Variants in DIAPH1 observed in about 807,000 individuals in gnomAD.
The protein encoded by DIAPH1 is protein diaphanous homolog 1.
In DIAPH1, 46 loss-of-function variants were observed where a neutral mutation model predicts 140.7. The ratio of observed to expected loss-of-function variants is 0.33; its 90% CI spans 0.26 to 0.42. The LOEUF (loss-of-function observed/expected upper bound fraction) is 0.42. Among genes scored for constraint, DIAPH1 ranks in the 10% least tolerant of loss-of-function variants. DIAPH1 has a pLI of 1.00. For missense variants in DIAPH1, 1,310 were observed against 1,558.7 expected (o/e 0.84, Z 2.69); for synonymous variants, 565 against 551.6 (o/e 1.02, Z -0.34).
intron 1 of DIAPH1, among the ~76,000 whole-genome samples, chr5:141,609,066 C>G (rs557513054): frequency 4.0e-5 from 6 of 148,548 alleles, no homozygotes; most frequent in African/African-American, 1.5e-4. Flanking sequence ...ATGAGCCAAG[C>G]GAAAGATAGG....
chr5:141,546,596 C>T (rs2099890829), intron 18 of DIAPH1, among the ~76,000 whole-genome samples: 2 of 150,070 alleles, frequency 1.3e-5, no homozygotes, highest in Admixed American at 1.3e-4. Context: ...GTGGAAGTTG[C>T]TGTGAGCTGA....
At chr5:141,568,448 T>A (rs1228290662) in intron 18 of DIAPH1, among the ~76,000 whole-genome samples, 2 of 152,118 alleles carry the variant, frequency 1.3e-5, no homozygotes, top group Non-Finnish European at 2.9e-5. Flanking sequence ...TTCAAAATAT[T>A]CTCTGGCAGG....
At chr5:141,607,278 T>C (rs2099901127) in intron 1 of DIAPH1, among the ~76,000 whole-genome samples, 1 of 152,226 alleles carries the variant, frequency 6.6e-6, no homozygotes, top group African/African-American at 2.4e-5. Flanking sequence ...GTTTCAACAA[T>C]GGCATTACCT....
chr5:141,537,495 A>AG, intron 18 of DIAPH1, among the ~76,000 whole-genome samples: 1 of 148,784 alleles, frequency 6.7e-6, no homozygotes, highest in East Asian at 2.0e-4. Context: ...AAAAAAAAAA[A>AG]AAAAAAAAAA....
intron 8 of DIAPH1, among the ~76,000 whole-genome samples, 193 bp downstream of exon 8, chr5:141,580,551 A>C (rs1015630689): frequency 1.3e-5 from 2 of 152,216 alleles, no homozygotes; most frequent in African/African-American, 4.8e-5. Flanking sequence ...GACCAGTGGA[A>C]CATTCAGGAT....
chr5:141,575,515 G>C (rs1349330664), intron 14 of DIAPH1, among the ~76,000 whole-genome samples: 1 of 152,094 alleles, frequency 6.6e-6, no homozygotes, highest in South Asian at 2.1e-4. Context: ...CGGGCATGGT[G>C]GTGGGCACCT....
chr5:141,559,928 T>C (rs927180605), intron 18 of DIAPH1, among the ~76,000 whole-genome samples: 1 of 152,220 alleles, frequency 6.6e-6, no homozygotes, highest in South Asian at 2.1e-4. Flanking sequence ...TTAATCCCCA[T>C]GCATACATCA....
intron 18 of DIAPH1, among the ~76,000 whole-genome samples, chr5:141,537,483 C>CAAAAAA (rs34323841): frequency 6.2e-4 from 23 of 36,970 alleles, no homozygotes; most frequent in African/African-American, 3.0e-3. Context: ...AACTCCGTCT[C>CAAAAAA]AAAAAAAAAA....
At chr5:141,578,191 TC>T in intron 11 of DIAPH1, 33 bp downstream of exon 11, 1 of 1,463,612 alleles carries the variant, frequency 6.8e-7, no homozygotes, top group Non-Finnish European at 9.6e-7. Flanking sequence ...AATGAATGTC[TC>T]ATCTGCCTTG....
intron 6 of DIAPH1, 79 bp from the exon 7 acceptor site, chr5:141,582,454 T>C: frequency 9.0e-7 from 1 of 1,106,866 alleles, no homozygotes; most frequent in South Asian, 1.2e-5. Context: ...AACAAGGTTC[T>C]TAGGAACAAC....
intron 18 of DIAPH1, among the ~76,000 whole-genome samples, chr5:141,554,657 TAGC>T (rs1297452914): frequency 6.6e-6 from 1 of 152,164 alleles, no homozygotes; most frequent in Non-Finnish European, 1.5e-5. Flanking sequence ...AAATTCCTAA[TAGC>T]AAAGTGAATT....
At chr5:141,518,132 C>A (rs1562276041) in intron 27 of DIAPH1, among the ~76,000 whole-genome samples, 6 of 152,038 alleles carry the variant, frequency 3.9e-5, no homozygotes. Flanking sequence ...TTGCCAGAGG[C>A]AAGGGGAGGG....
rs760359303 is a variant in DIAPH1, at chr5:141,515,751, C to G, written c.*1100G>C. On this transcript the variant is annotated 3_prime_UTR_variant, in exon 28 of 28. Transcript: ENST00000389054. Reference sequence around the variant, plus strand: ...ACCAGAGAAGGGGTTCCTCCTGTGTCGGATTCCCTGGGAGAGAGGATCTGC... The same window carrying G: ...ACCAGAGAAGGGGTTCCTCCTGTGTGGGATTCCCTGGGAGAGAGGATCTGC... The G allele has an allele frequency of 6.6e-6, 1 of 152,184 alleles. No homozygotes were observed. Among genetic ancestry groups the G allele is most frequent in the Non-Finnish European group, 1.5e-5 (1 of 68,052 alleles). 9.4% of individuals were successfully genotyped at this position (152,184 alleles called of 1,614,324 possible).
chr5:141,531,861 C>A (rs1251872605), intron 19 of DIAPH1, among the ~76,000 whole-genome samples: 2 of 152,156 alleles, frequency 1.3e-5, no homozygotes, highest in Non-Finnish European at 2.9e-5. Context: ...TCACATCTCA[C>A]CTAGTTTAAA....
At position 141,527,699 on chromosome 5, in the gene DIAPH1, T is replaced by TA. The variant is rs79558427; in HGVS notation, c.3149-3dup. The TA allele has an allele frequency of 0.17, 189,669 of 1,100,168 alleles. 1,885 individuals carry two copies. The highest frequency in any genetic ancestry group is 0.21 in the African/African-American group (8,355 of 40,158). The allele number at this position is 1,100,168 out of a possible 1,614,324, so 68.2% of individuals were successfully genotyped here. On this transcript the variant is annotated splice_polypyrimidine_tract_variant and splice_region_variant and intron_variant, in intron 23 of 27. Transcript: ENST00000389054. ...TCTTTTGCAAGTTTTCAGCAGAAAC[T>TA]AAAAAAAAAAAAAAAAAAAAAAACC...
intron 27 of DIAPH1, among the ~76,000 whole-genome samples, chr5:141,520,041 G>C (rs1054316826): frequency 1.3e-5 from 2 of 152,094 alleles, no homozygotes; most frequent in East Asian, 1.9e-4. Flanking sequence ...ACCATATAAC[G>C]CAAGTTTTAA....
intron 1 of DIAPH1, among the ~76,000 whole-genome samples, chr5:141,596,878 T>C (rs142278222): frequency 1.1e-3 from 163 of 152,184 alleles, no homozygotes; most frequent in Middle Eastern, 0.01. Flanking sequence ...GGGAAGCAAC[T>C]TGCCAAATAA....
Position 141,565,104 on chromosome 5 carries a change from C to G in DIAPH1, c.2482+6324G>C, listed in dbSNP as rs887360907. The G allele has an allele frequency of 7.2e-5, 11 of 152,232 alleles. No individual in the cohort carries two copies. Among genetic ancestry groups the G allele is most frequent in the Admixed American group, 3.9e-4 (6 of 15,282 alleles). The allele number at this position is 152,232 out of a possible 1,614,324, so 9.4% of individuals were successfully genotyped here. A position where few individuals can be genotyped will look rare whatever the true frequency, so the allele number is the denominator to read the frequency against. On this transcript the variant is annotated intron_variant, in intron 18 of 27. Coordinates refer to ENST00000389054, the MANE Select transcript of DIAPH1 (RefSeq NM_005219.5). This position sits in a 1 kb window ranked among gnomAD's most constrained non-coding sequence, Gnocchi z 4.3. ...TTGCTTGTAATAAAAAAATGGAAAA[C>G]TTATTTGTATTATATGACAGAATAC...
At chr5:141,614,880 G>A (rs948654529) in intron 1 of DIAPH1, among the ~76,000 whole-genome samples, 2 of 151,268 alleles carry the variant, frequency 1.3e-5, no homozygotes, top group African/African-American at 4.9e-5. Flanking sequence ...CTTTTGCAAA[G>A]CTCTCTGTAT....
Sources: gnomAD v4.1 joint callset for allele counts (sites outside exome capture counted in the v4.1 genomes callset) on GRCh38, gnomAD v4.1.1 for gene constraint, Gnocchi (gnomAD v3.1) non-coding constraint, MANE v1.5 for transcripts, NCBI Gene and HGNC (gene_info 2026-07-23, HGNC 2026-07-21) for gene names.